Variants in ERC2 observed in about 807,000 individuals in gnomAD.
The protein encoded by ERC2 is ELKS/RAB6-interacting/CAST family member 2.
A neutral mutation model predicts 114.8 loss-of-function variants in ERC2; 42 were observed. The ratio of observed to expected loss-of-function variants is 0.37; its 90% CI spans 0.29 to 0.47. ERC2 has a LOEUF of 0.47. Ranked by LOEUF, ERC2 falls within the 20% of genes least tolerant of loss-of-function variation. The pLI, the probability that ERC2 is intolerant of heterozygous loss-of-function variation, is 0.99. For synonymous variants in ERC2, 454 were observed against 425.5 expected (o/e 1.07, Z -0.82); for missense variants, 939 against 1,150.7 (o/e 0.82, Z 2.66).
chr3:56,446,109 G>A (rs2062549648), intron 1 of ERC2, among the ~76,000 whole-genome samples: 1 of 152,088 alleles, frequency 6.6e-6, no homozygotes, highest in African/African-American at 2.4e-5. Flanking sequence ...TTTGGAAAAT[G>A]TGAAATCTTG....
intron 12 of ERC2, among the ~76,000 whole-genome samples, chr3:55,967,051 A>G (rs2068798711): frequency 6.6e-6 from 1 of 152,212 alleles, no homozygotes; most frequent in Non-Finnish European, 1.5e-5. Context: ...AAACTATCTG[A>G]TACTCCTTGA....
intron 6 of ERC2, among the ~76,000 whole-genome samples, chr3:56,132,012 C>T (rs998965374): frequency 6.6e-6 from 1 of 152,220 alleles, no homozygotes; most frequent in African/African-American, 2.4e-5. Flanking sequence ...TAAATCCCAC[C>T]TTATATGCTA....
chr3:55,849,579 G>A (rs937781335), intron 14 of ERC2, among the ~76,000 whole-genome samples: 3 of 152,126 alleles, frequency 2.0e-5, no homozygotes, highest in African/African-American at 7.2e-5. Context: ...CGACGCAGGA[G>A]GATGCCTTGT....
chr3:56,137,734 T>G (rs2080595388), intron 6 of ERC2, among the ~76,000 whole-genome samples: 1 of 152,222 alleles, frequency 6.6e-6, no homozygotes, highest in South Asian at 2.1e-4. Context: ...AAGTACTAGA[T>G]GGTAGAAATG....
chr3:56,028,349 T>C (rs1367809470), intron 7 of ERC2, among the ~76,000 whole-genome samples: 5 of 152,116 alleles, frequency 3.3e-5, no homozygotes, highest in Admixed American at 6.5e-5. Flanking sequence ...TTTGGTGGGA[T>C]TGTGATAGGA....
chr3:56,388,456 G>A (rs1191050639), intron 2 of ERC2, among the ~76,000 whole-genome samples: 1 of 152,152 alleles, frequency 6.6e-6, no homozygotes, highest in Non-Finnish European at 1.5e-5. Flanking sequence ...GCAGATGCCA[G>A]CATCACACTT....
At chr3:55,998,757 T>C (rs1299211104) in intron 10 of ERC2, among the ~76,000 whole-genome samples, 2 of 152,120 alleles carry the variant, frequency 1.3e-5, no homozygotes, top group African/African-American at 4.8e-5. Flanking sequence ...ATTAACAAGA[T>C]TTTTTTTCTA....
At chr3:55,650,424 C>T (rs191058572) in intron 17 of ERC2, among the ~76,000 whole-genome samples, 71 of 152,296 alleles carry the variant, frequency 4.7e-4, no homozygotes, top group East Asian at 3.5e-3. Context: ...CCTTCTCATC[C>T]GAGGGTCACC....
intron 14 of ERC2, among the ~76,000 whole-genome samples, chr3:55,837,050 A>G (rs1575782612): frequency 1.3e-5 from 2 of 152,330 alleles, no homozygotes; most frequent in South Asian, 2.1e-4. Context: ...CAAAACCACA[A>G]TGAGATACCA....
chr3:56,316,180 C>A (rs2056852845), intron 2 of ERC2, among the ~76,000 whole-genome samples: 1 of 152,046 alleles, frequency 6.6e-6, no homozygotes, highest in African/African-American at 2.4e-5. Context: ...GGCACAAAAC[C>A]AGCAGAAACA....
intron 17 of ERC2, among the ~76,000 whole-genome samples, chr3:55,525,146 G>T (rs2053227222): frequency 6.6e-6 from 1 of 152,116 alleles, no homozygotes; most frequent in South Asian, 2.1e-4. Context: ...GCAATGGTAG[G>T]GTGTCAAGAG....
intron 2 of ERC2, among the ~76,000 whole-genome samples, chr3:56,364,921 A>T (rs2059094006): frequency 6.6e-6 from 1 of 152,176 alleles, no homozygotes; most frequent in Non-Finnish European, 1.5e-5. Context: ...TTAATGATGC[A>T]ACCAGGGACT....
intron 8 of ERC2, among the ~76,000 whole-genome samples, chr3:56,015,248 T>C (rs2073225770): frequency 6.6e-6 from 1 of 152,202 alleles, no homozygotes; most frequent in Non-Finnish European, 1.5e-5. Context: ...GTGCACGATG[T>C]GTAGGTTTGT....
intron 6 of ERC2, among the ~76,000 whole-genome samples, chr3:56,101,769 C>T (rs1300556045): frequency 6.6e-6 from 1 of 152,090 alleles, no homozygotes; most frequent in Non-Finnish European, 1.5e-5. Flanking sequence ...CCATTAAAGA[C>T]GGAAATGTAC....
chr3:55,770,042 G>C (rs1404433705), intron 14 of ERC2, among the ~76,000 whole-genome samples: 1 of 152,208 alleles, frequency 6.6e-6, no homozygotes, highest in Non-Finnish European at 1.5e-5. Context: ...CTTGACGAAT[G>C]GGATATAAGA....
chr3:55,747,051 A>G (rs535921718), intron 14 of ERC2, among the ~76,000 whole-genome samples: 15 of 152,254 alleles, frequency 9.9e-5, no homozygotes, highest in African/African-American at 3.6e-4. Flanking sequence ...TTCTGTAGTT[A>G]CATCTCTAAT....
chr3:55,729,182 C>T (rs1438118646), intron 15 of ERC2, among the ~76,000 whole-genome samples: 1 of 152,240 alleles, frequency 6.6e-6, no homozygotes, highest in Non-Finnish European at 1.5e-5. Flanking sequence ...GTCCTACAGT[C>T]TATTCCACCC....
chr3:55,781,044 A>G (rs910663364), intron 14 of ERC2, among the ~76,000 whole-genome samples: 2 of 152,226 alleles, frequency 1.3e-5, no homozygotes, highest in African/African-American at 4.8e-5. Context: ...ATGTCACCCA[A>G]ATACATTTGG....
At chr3:55,564,012 G>A (rs1187888403) in intron 17 of ERC2, among the ~76,000 whole-genome samples, 1 of 152,176 alleles carries the variant, frequency 6.6e-6, no homozygotes, top group African/African-American at 2.4e-5. Context: ...AGGATGACAC[G>A]GTTCTTACTT....
Sources: gnomAD v4.1 joint callset for allele counts (sites outside exome capture counted in the v4.1 genomes callset) on GRCh38, gnomAD v4.1.1 for gene constraint, MANE v1.5 for transcripts, NCBI Gene and HGNC (gene_info 2026-07-23, HGNC 2026-07-21) for gene names.